The following ST8SIA4 variants were observed in gnomAD, a reference collection of about 807,000 sequenced individuals.
ST8SIA4 encodes CMP-N-acetylneuraminate-poly-alpha-2,8-sialyltransferase.
A neutral mutation model predicts 33.9 loss-of-function variants in ST8SIA4; 15 were observed. That is an observed-to-expected ratio of 0.44 (90% CI 0.30 to 0.68). The LOEUF is 0.68. Ranked by LOEUF, ST8SIA4 falls within the 30% of genes least tolerant of loss-of-function variation. The pLI is 0.10. For missense variants in ST8SIA4, 321 were observed against 428.0 expected (o/e 0.75, Z 2.21); for synonymous variants, 171 against 151.2 (o/e 1.13, Z -0.96).
intron 3 of ST8SIA4, among the ~76,000 whole-genome samples, chr5:100,869,192 T>C (rs529934305): frequency 2.0e-5 from 3 of 152,304 alleles, no homozygotes; most frequent in South Asian, 2.1e-4. Context: ...AGATGAAAGT[T>C]ATAATTACAT....
chr5:100,824,149 C>T (rs747534516), intron 4 of ST8SIA4, among the ~76,000 whole-genome samples: 4 of 152,074 alleles, frequency 2.6e-5, no homozygotes, highest in Admixed American at 6.5e-5. Flanking sequence ...AGTTGGTTTA[C>T]GAAGAAATGT....
intron 4 of ST8SIA4, 144 bp downstream of exon 4, chr5:100,855,959 T>C (rs1751805547): frequency 2.2e-5 from 18 of 834,878 alleles, no homozygotes; most frequent in Non-Finnish European, 3.2e-5. Flanking sequence ...AACTTCAAGT[T>C]TGTAAATAGA....
At chr5:100,841,302 G>T (rs1174107418) in intron 4 of ST8SIA4, among the ~76,000 whole-genome samples, 1 of 151,828 alleles carries the variant, frequency 6.6e-6, no homozygotes, top group African/African-American at 2.4e-5. Flanking sequence ...CAAGCCATAG[G>T]TATTGGAGTC....
At chr5:100,834,390 G>A (rs1417278665) in intron 4 of ST8SIA4, among the ~76,000 whole-genome samples, 1 of 152,126 alleles carries the variant, frequency 6.6e-6, no homozygotes, top group Non-Finnish European at 1.5e-5. Flanking sequence ...CTATGAAAAT[G>A]CCTATAATTT....
chr5:100,897,777 A>G (rs1278121950), intron 1 of ST8SIA4, among the ~76,000 whole-genome samples: 1 of 152,208 alleles, frequency 6.6e-6, no homozygotes, highest in Non-Finnish European at 1.5e-5. Context: ...AAACTATCCT[A>G]CTGATGAAAA....
At chr5:100,891,034 C>G (rs1752648671) in intron 2 of ST8SIA4, among the ~76,000 whole-genome samples, 1 of 151,796 alleles carries the variant, frequency 6.6e-6, no homozygotes, top group Admixed American at 6.6e-5. Context: ...TGTTTAGTAA[C>G]AAGTTTTCAC....
intron 4 of ST8SIA4, among the ~76,000 whole-genome samples, chr5:100,834,902 C>T (rs1751338053): frequency 6.6e-6 from 1 of 152,024 alleles, no homozygotes; most frequent in Admixed American, 6.6e-5. Flanking sequence ...CAATTAAATC[C>T]CTTTTATTTA....
chr5:100,827,861 A>T (rs1751176236), intron 4 of ST8SIA4, among the ~76,000 whole-genome samples: 1 of 152,214 alleles, frequency 6.6e-6, no homozygotes, highest in Non-Finnish European at 1.5e-5. Flanking sequence ...GAACAGGGCA[A>T]AGTGCATTTT....
At chr5:100,889,585 C>T (rs1283703600) in intron 2 of ST8SIA4, among the ~76,000 whole-genome samples, 8 of 151,908 alleles carry the variant, frequency 5.3e-5, no homozygotes, top group Non-Finnish European at 1.2e-4. Flanking sequence ...AGCACCTTTG[C>T]TGTGTTATAG....
intron 1 of ST8SIA4, among the ~76,000 whole-genome samples, chr5:100,898,011 A>G (rs535822249): frequency 6.6e-6 from 1 of 152,354 alleles, no homozygotes; most frequent in African/African-American, 2.4e-5. Flanking sequence ...GGTGCAAACT[A>G]TCACTATTTC....
Position 100,821,579 on chromosome 5 carries a change from C to G in ST8SIA4, c.798-9450G>C, listed in dbSNP as rs3776158. ...AATAAATCAGGTTACATTAACCTCC[C>G]AGATAGTTGTGCTAAAATCAATTTC... On this transcript the variant is annotated intron_variant, in intron 4 of 4. Transcript: ENST00000231461. Among the ~76,000 whole-genome samples, 414 of 152,226 alleles carry G rather than the reference C, an allele frequency of 2.7e-3. 9 individuals carry two copies. In the East Asian group the frequency reaches 0.069, roughly 25 times the overall value.
intron 2 of ST8SIA4, among the ~76,000 whole-genome samples, chr5:100,887,106 T>C (rs989773919): frequency 5.9e-5 from 9 of 152,024 alleles, no homozygotes; most frequent in African/African-American, 1.9e-4. Context: ...TTTATACATA[T>C]GATATGTATA....
chr5:100,886,126 T>A (rs1446420220), intron 3 of ST8SIA4: 5 of 1,319,680 alleles, frequency 3.8e-6, no homozygotes, highest in Non-Finnish European at 4.8e-6. Context: ...GTGTGAATCT[T>A]GTTGCTATGA....
chr5:100,894,690 T>C (rs1752742610), intron 2 of ST8SIA4, among the ~76,000 whole-genome samples: 1 of 152,070 alleles, frequency 6.6e-6, no homozygotes, highest in African/African-American at 2.4e-5. Context: ...ATGAGTGTAA[T>C]AGACTAATAG....
intron 4 of ST8SIA4, among the ~76,000 whole-genome samples, chr5:100,837,201 CT>C (rs1156264223): frequency 6.6e-6 from 1 of 151,948 alleles, no homozygotes; most frequent in Non-Finnish European, 1.5e-5. Flanking sequence ...AATTTAAATA[CT>C]TTTTCTTTGT....
chr5:100,820,056 A>G (rs542693347), intron 4 of ST8SIA4, among the ~76,000 whole-genome samples: 5 of 152,310 alleles, frequency 3.3e-5, no homozygotes, highest in African/African-American at 9.6e-5. Flanking sequence ...ACTGAAGCCC[A>G]GCCTTGATTT....
rs929696893 is a variant in ST8SIA4, at chr5:100,885,314, G to A, written c.503+1029C>T. 4.3e-6 allele frequency: 4 copies of A among 921,244 alleles called. No homozygotes were observed. In the African/African-American group the frequency reaches 7.1e-5, roughly 16 times the overall value. The allele number at this position is 921,244 out of a possible 1,614,324, so 57.1% of individuals were successfully genotyped here. A position where few individuals can be genotyped will look rare whatever the true frequency, so the allele number is the denominator to read the frequency against. On this transcript the variant is annotated intron_variant, in intron 3 of 4. Transcript: ENST00000231461. ...CAAGAGAGAAAAGGAAAGATAATAA[G>A]GTAAAATGTTTGCAGTTTTATTTGC... is the stretch of plus-strand genomic sequence containing the variant.
At chr5:100,836,690 A>AT (rs1008790012) in intron 4 of ST8SIA4, among the ~76,000 whole-genome samples, 1 of 151,896 alleles carries the variant, frequency 6.6e-6, no homozygotes, top group South Asian at 2.1e-4. Context: ...TGGACAAATA[A>AT]TTTTTTTTAA....
intron 3 of ST8SIA4, among the ~76,000 whole-genome samples, chr5:100,884,690 A>G (rs72778633): frequency 0.011 from 1,608 of 152,302 alleles, 10 homozygotes; most frequent in Middle Eastern, 0.034. Flanking sequence ...TAGTTTAGGA[A>G]TTGAAATAAT....
Sources: gnomAD v4.1 joint callset for allele counts (sites outside exome capture counted in the v4.1 genomes callset) on GRCh38, gnomAD v4.1.1 for gene constraint, MANE v1.5 for transcripts, NCBI Gene and HGNC (gene_info 2026-07-23, HGNC 2026-07-21) for gene names.